Variants in STARD9 observed in about 807,000 individuals in gnomAD.
The protein encoded by STARD9 is stAR-related lipid transfer protein 9.
STARD9 carries 346 observed loss-of-function variants against 399.8 expected under a neutral mutation model. The ratio of observed to expected loss-of-function variants is 0.87; its 90% CI spans 0.79 to 0.95. The LOEUF (loss-of-function observed/expected upper bound fraction) is 0.95, where lower values mean the gene tolerates loss of function less well. Ranked by LOEUF, STARD9 falls within the 40% of genes least tolerant of loss-of-function variation. The pLI is 0.00. For missense variants in STARD9, 5,832 were observed against 5,667.5 expected (o/e 1.03, Z -0.93); for synonymous variants, 2,203 against 2,143.5 (o/e 1.03, Z -0.77).
At chr15:42,581,457 G>A in intron 1 of STARD9, 1 of 1,531,868 alleles carries the variant, frequency 6.5e-7, no homozygotes, top group Non-Finnish European at 9.0e-7. Context: ...GCTCTGGCTG[G>A]GCTGGTGGCC....
At chr15:42,705,953 A>G (rs1164431822) in intron 26 of STARD9, among the ~76,000 whole-genome samples, 2 of 150,702 alleles carry the variant, frequency 1.3e-5, no homozygotes, top group South Asian at 2.1e-4. Context: ...GGGTTTCACC[A>G]TGTTGGCCAG....
chr15:42,719,467 T>G lies in STARD9; in HGVS notation c.14002-6T>G. ...GCACCTTAAATTCTTCTCTCTCTGC[T>G]TTCAGGTGGAACTTGGTGCTCCAGG... On this transcript the variant is annotated splice_region_variant and splice_polypyrimidine_tract_variant and intron_variant, in intron 32 of 32. Transcript: ENST00000290607. The G allele has an allele frequency of 6.5e-7, 1 of 1,530,146 alleles. No individual in the cohort carries two copies. The highest frequency in any genetic ancestry group is 8.8e-7 in the Non-Finnish European group (1 of 1,140,414). The allele number at this position is 1,530,146 out of a possible 1,614,324, so 94.8% of individuals were successfully genotyped here.
intron 7 of STARD9, among the ~76,000 whole-genome samples, chr15:42,647,739 T>C (rs899278027): frequency 3.3e-5 from 5 of 152,254 alleles, no homozygotes; most frequent in Non-Finnish European, 7.3e-5. Flanking sequence ...ATGTAATCAC[T>C]GATTTTATTT....
chr15:42,581,050 T>C lies in STARD9; in HGVS notation c.48-2296T>C, dbSNP rs566922450. On this transcript the variant is annotated intron_variant, in intron 1 of 32. Transcript: ENST00000290607. ...GGTATTGCCTCTTCTGTCTTTTCAC[T>C]GTTGATCCTATTGGCCAAATCAGGT... is the stretch of plus-strand genomic sequence containing the variant. 2.4e-4 allele frequency: 130 copies of C among 537,216 alleles called. 1 individual carries two copies. The highest frequency in any genetic ancestry group is 2.3e-3 in the African/African-American group (117 of 51,554). The allele number at this position is 537,216 out of a possible 1,614,324, so 33.3% of individuals were successfully genotyped here.
intron 10 of STARD9, among the ~76,000 whole-genome samples, chr15:42,661,988 C>G (rs1403156924): frequency 6.6e-6 from 1 of 151,674 alleles, no homozygotes; most frequent in Admixed American, 6.6e-5. Flanking sequence ...TTATGCAGTT[C>G]TTTACTTAAA....
Position 42,720,817 on chromosome 15 carries a change from T to G in STARD9, c.*1243T>G, listed in dbSNP as rs2061439253. Reference sequence around the variant, plus strand: ...CTTACCTCAGATTAAGTTATTTATATATTGTTGATTGAAGGTTTTTTAAAA... The same window carrying G: ...CTTACCTCAGATTAAGTTATTTATAGATTGTTGATTGAAGGTTTTTTAAAA... On this transcript the variant is annotated 3_prime_UTR_variant, in exon 33 of 33. Transcript: ENST00000290607. 1 of 152,198 alleles carries G rather than the reference T, an allele frequency of 6.6e-6. No homozygotes were observed. 9.4% of individuals were successfully genotyped at this position (152,198 alleles called of 1,614,324 possible).
Position 42,694,213 on chromosome 15 carries a change from T to C in STARD9, c.12635T>C (p.Leu4212Pro). 6.5e-7 allele frequency: 1 copy of C among 1,535,718 alleles called. No individual in the cohort carries two copies. The highest frequency in any genetic ancestry group is 8.7e-7 in the Non-Finnish European group (1 of 1,146,166). ...CAGAACCTCTCACTCAGCGTGGAACTCACAGAAGCGAAACTGCACCATGGC... is the reference window on the plus strand; with the variant it reads ...CAGAACCTCTCACTCAGCGTGGAACCCACAGAAGCGAAACTGCACCATGGC... ...GAQNLSLSVE[L>P]TEAKLHHGFG... Residue 4212 changes from leucine to proline, a missense_variant, in exon 23 of 33, where the codon CTC (leucine) becomes CCC (proline). Physicochemically the swap from Leu to Pro is moderately conservative, Grantham distance 98 (BLOSUM62 -3). Transcript: ENST00000290607.
At chr15:42,694,750 G>C in intron 24 of STARD9, 25 bp downstream of exon 24, 1 of 1,531,266 alleles carries the variant, frequency 6.5e-7, no homozygotes, top group Non-Finnish European at 8.8e-7. Flanking sequence ...GAACCCTGCT[G>C]GGAGCAGGCT....
chr15:42,588,417 G>T (rs898001445), intron 3 of STARD9, among the ~76,000 whole-genome samples: 8 of 152,184 alleles, frequency 5.3e-5, no homozygotes, highest in Non-Finnish European at 1.2e-4. Context: ...ATGAGATCCA[G>T]ACAGGAAGCC....
chr15:42,576,009 C>T (rs1206963887), intron 1 of STARD9, among the ~76,000 whole-genome samples: 2 of 152,168 alleles, frequency 1.3e-5, no homozygotes, highest in Non-Finnish European at 2.9e-5. Flanking sequence ...CGCTGGCGTC[C>T]TGCCAGCAGG....
At chr15:42,704,134 C>A (rs2061026049) in intron 26 of STARD9, among the ~76,000 whole-genome samples, 1 of 152,148 alleles carries the variant, frequency 6.6e-6, no homozygotes, top group Non-Finnish European at 1.5e-5. Flanking sequence ...TGGTCTCGAA[C>A]TCCTGACCTC....
Position 42,661,200 on chromosome 15 carries a change from A to G in STARD9, c.745A>G (p.Ile249Val), listed in dbSNP as rs1258246237. Residue 249 changes from isoleucine (I) to valine (V), a missense_variant, in exon 10 of 33, where the codon ATC becomes GTC. By Grantham distance (29) the Ile-to-Val change is conservative. This residue lies in a region of STARD9 where 5,828 missense variants were observed against 5,651.1 expected (regional missense o/e 1.03). Transcript: ENST00000290607. Reference sequence around the variant, plus strand: ...CCTCCCTTCTGAAATGGCTAGCAAGATCAACCTTGTGGACCTAGCAGGCAG... The same window carrying G: ...CCTCCCTTCTGAAATGGCTAGCAAGGTCAACCTTGTGGACCTAGCAGGCAG... ...NNLPSEMASK[I>V]NLVDLAGSER... The G allele has an allele frequency of 6.5e-7, 1 of 1,536,968 alleles. No individual in the cohort carries two copies. The highest frequency in any genetic ancestry group is 8.7e-7 in the Non-Finnish European group (1 of 1,146,690).
At chr15:42,606,002 A>G (rs2058715746) in intron 3 of STARD9, among the ~76,000 whole-genome samples, 1 of 152,182 alleles carries the variant, frequency 6.6e-6, no homozygotes, top group Non-Finnish European at 1.5e-5. Flanking sequence ...AAACATTCCC[A>G]TGGAGTTTAG....
At chr15:42,654,751 A>G (rs1249084664) in intron 9 of STARD9, among the ~76,000 whole-genome samples, 1 of 152,220 alleles carries the variant, frequency 6.6e-6, no homozygotes, top group African/African-American at 2.4e-5. Context: ...AAGAAGAACT[A>G]CAAAACACCG....
Position 42,610,833 on chromosome 15 carries a change from T to C in STARD9, c.235-24023T>C, listed in dbSNP as rs1391943451. Among the ~76,000 whole-genome samples, 12 of 152,310 alleles carry C rather than the reference T, an allele frequency of 7.9e-5. No individual in the cohort carries two copies. The East Asian group carries it at 1.7e-3, about 22-fold the overall frequency. On this transcript the variant is annotated intron_variant, in intron 3 of 32. Transcript: ENST00000290607. The stretch of plus-strand genomic sequence containing the variant: ...AAGTGCTGGGATTACAGGCGTGAGC[T>C]ACCGTGCCTGGCCCAAACTGATTCT...
chr15:42,626,176 G>A (rs1038693936), intron 3 of STARD9, among the ~76,000 whole-genome samples: 4 of 151,890 alleles, frequency 2.6e-5, no homozygotes, highest in Admixed American at 2.0e-4. Context: ...TGCCTGCCTC[G>A]GCCTCCCAAA....
At chr15:42,713,560 A>G (rs909011219) in intron 26 of STARD9, among the ~76,000 whole-genome samples, 1 of 152,208 alleles carries the variant, frequency 6.6e-6, no homozygotes, top group African/African-American at 2.4e-5. Context: ...AGGTTGAGGA[A>G]ATTCCCTTAT....
At position 42,693,869 on chromosome 15, in the gene STARD9, A is replaced by G. The variant is rs1264153849; in HGVS notation, c.12291A>G (p.Ala4097=). 6.5e-7 allele frequency: 1 copy of G among 1,535,190 alleles called. No individual in the cohort carries two copies. Among genetic ancestry groups the G allele is most frequent in the Non-Finnish European group, 8.7e-7 (1 of 1,145,574 alleles). Residue 4097 remains alanine (A), a synonymous_variant, in exon 23 of 33, where the codon GCA becomes GCG. Coordinates refer to ENST00000290607, the MANE Select transcript of STARD9 (RefSeq NM_020759.3). ...CTGTCTCTGAGTTGACTGATACTGC[A>G]GGGCTCCGAGGTTCTGCCTTGGGCC... ...PCPVSELTDT[A]GLRGSALGLP...
rs1049868847 is a variant in STARD9, at chr15:42,691,590, C to T, written c.10012C>T (p.Leu3338=). ...VVGSSRSLQE[L]NLSVEPPSPT... ...CGGCTCTTCTCGTTCTCTTCAGGAGCTGAACTTGAGTGTGGAGCCTCCTTC... is the reference window on the plus strand; with the variant it reads ...CGGCTCTTCTCGTTCTCTTCAGGAGTTGAACTTGAGTGTGGAGCCTCCTTC... The change falls in exon 23 of 33, where the codon CTG becomes TTG. Residue 3338 remains leucine (L), a synonymous_variant. Coordinates refer to ENST00000290607, the MANE Select transcript of STARD9 (RefSeq NM_020759.3). The T allele has an allele frequency of 7.8e-6, 12 of 1,537,252 alleles. No individual in the cohort carries two copies. Among genetic ancestry groups the T allele is most frequent in the Middle Eastern group, 3.3e-4 (2 of 5,990 alleles).
Sources: gnomAD v4.1 joint callset for allele counts (sites outside exome capture counted in the v4.1 genomes callset) on GRCh38, gnomAD v4.1.1 for gene constraint, gnomAD v4.1.1 regional missense constraint, MANE v1.5 for transcripts, NCBI Gene and HGNC (gene_info 2026-07-23, HGNC 2026-07-21) for gene names.